ESR1: variants seen among roughly 807,000 people sequenced by gnomAD.
ESR1 encodes the protein estrogen receptor 1, also known as estrogen receptor.
ESR1 carries 12 observed loss-of-function variants against 52.7 expected under a neutral mutation model. The observed-to-expected ratio is 0.23, with a 90% CI of 0.15 to 0.37. ESR1 has a LOEUF of 0.37. Among genes scored for constraint, ESR1 ranks in the 10% least tolerant of loss-of-function variants. ESR1 has a pLI of 1.00. For missense variants in ESR1, 584 were observed against 779.7 expected, an observed-to-expected ratio of 0.75 and a Z score of 2.99; for synonymous variants, 305 against 316.8, an observed-to-expected ratio of 0.96 and a Z score of 0.39.
chr6:151,953,672 G>C (rs1055460870), intron 4 of ESR1, among the ~76,000 whole-genome samples: 2 of 151,564 alleles, frequency 1.3e-5, no homozygotes, highest in Non-Finnish European at 2.9e-5. Flanking sequence ...AGTGAGTCGA[G>C]ATTGCGCCAC....
chr6:151,926,192 A>C (rs2032705753), intron 3 of ESR1, among the ~76,000 whole-genome samples: 1 of 152,160 alleles, frequency 6.6e-6, no homozygotes. Context: ...TCACTAGTCC[A>C]TCTGTTTATA....
chr6:152,059,977 T>C (rs905961216), intron 5 of ESR1, among the ~76,000 whole-genome samples: 1 of 152,228 alleles, frequency 6.6e-6, no homozygotes, highest in Admixed American at 6.5e-5. Flanking sequence ...TAATTGTTTA[T>C]ATATTTCACA....
intron 1 of ESR1, among the ~76,000 whole-genome samples, chr6:151,816,680 G>A (rs556539836): frequency 2.1e-4 from 32 of 152,112 alleles, no homozygotes; most frequent in African/African-American, 5.8e-4. Flanking sequence ...CAGGAAGCTA[G>A]TATTTCTTGA....
chr6:151,936,745 A>C (rs1401875235), intron 3 of ESR1, among the ~76,000 whole-genome samples: 2 of 152,174 alleles, frequency 1.3e-5, no homozygotes, highest in African/African-American at 4.8e-5. Flanking sequence ...AAGAAAGGGA[A>C]AAAAATTGGG....
intron 4 of ESR1, among the ~76,000 whole-genome samples, chr6:151,960,567 A>G (rs2037537110): frequency 6.6e-6 from 1 of 152,196 alleles, no homozygotes; most frequent in African/African-American, 2.4e-5. Context: ...AAGAAGACCA[A>G]TGTGACTAGA....
At chr6:151,841,268 A>G (rs1784236915) in intron 1 of ESR1, among the ~76,000 whole-genome samples, 1 of 152,076 alleles carries the variant, frequency 6.6e-6, no homozygotes, top group Non-Finnish European at 1.5e-5. Context: ...TTCAGCTGCC[A>G]CCCTATCTGT....
At chr6:151,736,375 G>GTTCTTTTTTTTTTTTTTTTTTTT (rs748276035) in intron 2 of ESR1, among the ~76,000 whole-genome samples, 3 of 112,716 alleles carry the variant, frequency 2.7e-5, no homozygotes, top group African/African-American at 7.6e-5. Context: ...TCCAGGTAGT[G>GTTCTTTTTTTTTTTTTTTTTTTT]TTTTTTTTTT....
intron 2 of ESR1, among the ~76,000 whole-genome samples, chr6:151,711,587 T>C (rs1483394217): frequency 2.0e-5 from 3 of 152,206 alleles, no homozygotes; most frequent in African/African-American, 4.8e-5. Context: ...GTGGTTTTGA[T>C]TTGCATTTCT....
chr6:152,102,174 GA>G lies in ESR1; in HGVS notation c.*3209del, dbSNP rs2050983207. On this transcript the variant is annotated 3_prime_UTR_variant, in exon 8 of 8. Coordinates refer to ENST00000206249, the MANE Select transcript of ESR1 (RefSeq NM_000125.4). ...AACCAAGCCATAGCCCATGCCTTTTGAGGGCTGAACAAATAAGGGACTTACT... is the reference window on the plus strand; with the variant it reads ...AACCAAGCCATAGCCCATGCCTTTTGGGGCTGAACAAATAAGGGACTTACT... 4.8e-6 allele frequency: 1 copy of G among 209,448 alleles called. No individual in the cohort carries two copies. Among genetic ancestry groups the G allele is most frequent in the East Asian group, 7.2e-5 (1 of 13,880 alleles). 13.0% of individuals were successfully genotyped at this position (209,448 alleles called of 1,614,324 possible). A position where few individuals can be genotyped will look rare whatever the true frequency, so the allele number is the denominator to read the frequency against.
At chr6:152,045,981 A>G (rs2128911747) in intron 5 of ESR1, among the ~76,000 whole-genome samples, 1 of 152,226 alleles carries the variant, frequency 6.6e-6, no homozygotes, top group South Asian at 2.1e-4. Context: ...AACTGGAATA[A>G]CACCTGAGAT....
intron 2 of ESR1, among the ~76,000 whole-genome samples, chr6:151,743,849 C>G (rs1365234214): frequency 6.6e-6 from 1 of 152,150 alleles, no homozygotes; most frequent in Non-Finnish European, 1.5e-5. Flanking sequence ...GCAGCTTTCA[C>G]CACGAATTAA....
intron 5 of ESR1, among the ~76,000 whole-genome samples, chr6:152,022,056 A>T (rs1256895978): frequency 1.3e-5 from 2 of 152,170 alleles, no homozygotes; most frequent in Non-Finnish European, 2.9e-5. Context: ...CATGCTCAGT[A>T]TACTCAGGCA....
At chr6:151,761,797 C>T (rs1784679914) in intron 2 of ESR1, among the ~76,000 whole-genome samples, 2 of 152,174 alleles carry the variant, frequency 1.3e-5, no homozygotes. Context: ...ATCAGTGGTT[C>T]TCAAACTCAA....
intron 2 of ESR1, among the ~76,000 whole-genome samples, chr6:151,713,082 T>C (rs1780747924): frequency 6.6e-6 from 1 of 152,202 alleles, no homozygotes; most frequent in African/African-American, 2.4e-5. Context: ...CTTTTTTTCA[T>C]CTATTGAGAT....
chr6:151,737,302 A>G (rs1248491271), intron 2 of ESR1, among the ~76,000 whole-genome samples: 1 of 152,170 alleles, frequency 6.6e-6, no homozygotes, highest in Non-Finnish European at 1.5e-5. Flanking sequence ...GGCTGAGGCA[A>G]GGGAGATGCA....
At chr6:151,786,675 C>CTTT (rs11409681) in intron 2 of ESR1, among the ~76,000 whole-genome samples, 3 of 145,916 alleles carry the variant, frequency 2.1e-5, no homozygotes, top group Non-Finnish European at 4.5e-5. Flanking sequence ...ATTATTAAGA[C>CTTT]TTTTTTTTTT....
At chr6:152,043,337 C>T (rs1381298637) in intron 5 of ESR1, among the ~76,000 whole-genome samples, 1 of 152,186 alleles carries the variant, frequency 6.6e-6, no homozygotes. Flanking sequence ...ATCAATTCAG[C>T]CTGATCCAAC....
At chr6:151,830,395 A>T (rs1408133765) in intron 1 of ESR1, among the ~76,000 whole-genome samples, 2 of 152,140 alleles carry the variant, frequency 1.3e-5, no homozygotes. Flanking sequence ...TTTCGTAGTA[A>T]TTCTGCAGGT....
At chr6:152,044,986 G>T (rs146284542) in intron 5 of ESR1, among the ~76,000 whole-genome samples, 6 of 152,330 alleles carry the variant, frequency 3.9e-5, no homozygotes, top group African/African-American at 9.6e-5. Context: ...TTATCTGAGA[G>T]TACATAATCT....
Sources: gnomAD v4.1 joint callset for allele counts (sites outside exome capture counted in the v4.1 genomes callset) on GRCh38, gnomAD v4.1.1 for gene constraint, MANE v1.5 for transcripts, NCBI Gene and HGNC (gene_info 2026-07-23, HGNC 2026-07-21) for gene names.